IQSEC1: variants seen among roughly 807,000 people sequenced by gnomAD.
IQSEC1 encodes IQ motif and SEC7 domain-containing protein 1.
A neutral mutation model predicts 91.0 loss-of-function variants in IQSEC1; 31 were observed. That is an observed-to-expected ratio of 0.34 (90% CI 0.26 to 0.46). The LOEUF (loss-of-function observed/expected upper bound fraction) is 0.46. Among genes scored for constraint, IQSEC1 ranks in the 20% least tolerant of loss-of-function variants. The pLI is 1.00. For synonymous variants in IQSEC1, 699 were observed against 662.6 expected, an observed-to-expected ratio of 1.05 and a Z score of -0.84; for missense variants, 1,388 against 1,575.6, an observed-to-expected ratio of 0.88 and a Z score of 2.02.
chr3:13,238,199 C>T (rs562711145), intron 1 of IQSEC1, among the ~76,000 whole-genome samples: 5 of 152,340 alleles, frequency 3.3e-5, no homozygotes, highest in Admixed American at 6.5e-5. Context: ...CGGCGGTCAC[C>T]GCCCTCCACC....
chr3:13,038,260 GTGTATATATATATATATATATA>G (rs1370982958), intron 1 of IQSEC1, among the ~76,000 whole-genome samples: 3 of 62,376 alleles, frequency 4.8e-5, no homozygotes, highest in South Asian at 6.7e-4. Flanking sequence ...GTGTGTGTGT[GTGTATATATATATATATATATA>G]TATATATATA....
intron 1 of IQSEC1, among the ~76,000 whole-genome samples, chr3:13,267,925 C>G (rs1695525391): frequency 6.6e-6 from 1 of 152,148 alleles, no homozygotes; most frequent in Non-Finnish European, 1.5e-5. Flanking sequence ...CCAGAGTCAG[C>G]AAATTTCTTA....
At chr3:13,120,947 T>C (rs1408951144) in intron 2 of IQSEC1, among the ~76,000 whole-genome samples, 2 of 152,232 alleles carry the variant, frequency 1.3e-5, no homozygotes, top group African/African-American at 4.8e-5. Context: ...CCAGATTCAA[T>C]GGCGTTTACA....
At chr3:13,263,322 A>G (rs2125132455) in intron 1 of IQSEC1, among the ~76,000 whole-genome samples, 1 of 151,770 alleles carries the variant, frequency 6.6e-6, no homozygotes, top group Non-Finnish European at 1.5e-5. Context: ...ACACTTAAAA[A>G]TGGTGAAAAG....
intron 2 of IQSEC1, among the ~76,000 whole-genome samples, chr3:13,136,058 G>C (rs1037856768): frequency 2.6e-5 from 4 of 152,222 alleles, no homozygotes; most frequent in Non-Finnish European, 5.9e-5. Flanking sequence ...CTGGCCATGG[G>C]AGGCCCCACA....
chr3:12,914,987 G>A, intron 8 of IQSEC1, 117 bp downstream of exon 8: 2 of 992,340 alleles, frequency 2.0e-6, no homozygotes, highest in Non-Finnish European at 3.1e-6. Context: ...CCCCAGCAAT[G>A]AACTCAAGCA....
intron 1 of IQSEC1, among the ~76,000 whole-genome samples, chr3:13,216,529 G>A (rs1694554360): frequency 6.6e-6 from 1 of 152,282 alleles, no homozygotes; most frequent in African/African-American, 2.4e-5. Flanking sequence ...AGAGGGAGCA[G>A]TCACCTGAAC....
Position 12,967,805 on chromosome 3 carries a change from G to A in IQSEC1, c.24-25940C>T. 1 of 511,506 alleles carries A rather than the reference G, an allele frequency of 2.0e-6. No individual in the cohort carries two copies. The highest frequency in any genetic ancestry group is 2.5e-6 in the Non-Finnish European group (1 of 394,420). The allele number at this position is 511,506 out of a possible 1,614,324, so 31.7% of individuals were successfully genotyped here. A position where few individuals can be genotyped will look rare whatever the true frequency, so the allele number is the denominator to read the frequency against. Reference sequence around the variant, plus strand: ...CGGAGGGCGAGCTGGGGGCGGGGCTGCGCGCGGGGGCGAGACTGCACGGAG... The same window carrying A: ...CGGAGGGCGAGCTGGGGGCGGGGCTACGCGCGGGGGCGAGACTGCACGGAG... On this transcript the variant is annotated intron_variant, in intron 1 of 13. Coordinates refer to ENST00000613206, the MANE Select transcript of IQSEC1 (RefSeq NM_001134382.3). This position sits in a 1 kb window ranked among gnomAD's most constrained non-coding sequence, Gnocchi z 5.9.
At chr3:13,251,035 A>T (rs1695186046) in intron 1 of IQSEC1, among the ~76,000 whole-genome samples, 1 of 152,074 alleles carries the variant, frequency 6.6e-6, no homozygotes, top group Non-Finnish European at 1.5e-5. Context: ...TTGACTTCTG[A>T]GTCCTCACCT....
At chr3:13,051,777 T>A (rs991337703) in intron 1 of IQSEC1, among the ~76,000 whole-genome samples, 8 of 152,112 alleles carry the variant, frequency 5.3e-5, no homozygotes, top group African/African-American at 1.9e-4. Flanking sequence ...CTGCCTCAGT[T>A]TCCCTCTGCT....
At chr3:13,010,133 A>G (rs1702813867) in intron 1 of IQSEC1, among the ~76,000 whole-genome samples, 1 of 152,210 alleles carries the variant, frequency 6.6e-6, no homozygotes, top group Non-Finnish European at 1.5e-5. Flanking sequence ...AGCAGAACAC[A>G]TGGCTCAGCT....
At chr3:13,105,557 G>C (rs930528945) in intron 2 of IQSEC1, among the ~76,000 whole-genome samples, 15 of 152,078 alleles carry the variant, frequency 9.9e-5, no homozygotes, top group Non-Finnish European at 2.1e-4. Context: ...ATATTACCCA[G>C]TTAACAAAAT....
Position 13,019,620 on chromosome 3 carries a change from G to C in IQSEC1, c.23+53372C>G, listed in dbSNP as rs1703309308. Among the ~76,000 whole-genome samples, 2 of 152,204 alleles carry C rather than the reference G, an allele frequency of 1.3e-5. 1 individual carries two copies. The highest frequency in any genetic ancestry group is 4.1e-4 in the South Asian group (2 of 4,838). ...TTTCAGGGGCTCTCAACAGAATGGG[G>C]TAGGGGTCGGGAGGGCAGAGTGCTT... On this transcript the variant is annotated intron_variant, in intron 1 of 13. Transcript: ENST00000613206.
chr3:13,278,674 C>A (rs929073259), intron 1 of IQSEC1, among the ~76,000 whole-genome samples: 1 of 152,174 alleles, frequency 6.6e-6, no homozygotes, highest in Admixed American at 6.5e-5. Context: ...CAAAAATTAG[C>A]CAGGCGTGGT....
At position 13,211,470 on chromosome 3, in the gene IQSEC1, A is replaced by C. The variant is rs77016918; in HGVS notation, c.273-47337T>G. Among the ~76,000 whole-genome samples, 2,494 of 149,972 alleles carry C rather than the reference A, an allele frequency of 0.017. 98 individuals carry two copies. Among genetic ancestry groups the C allele is most frequent in the East Asian group, 0.11 (562 of 5,070 alleles). ...AGGTCACCTTACAAACAAAGACCCC[A>C]ACTCAGGGTCTCGGCTCTTCAGGCA... is the stretch of plus-strand genomic sequence containing the variant. On this transcript the variant is annotated intron_variant, in intron 1 of 15. Coordinates refer to the IQSEC1 transcript ENST00000648114. The surrounding 1 kb of genome is among the most constrained non-coding windows in gnomAD (Gnocchi z 5.3).
At chr3:13,200,433 C>G (rs1694223273) in intron 1 of IQSEC1, among the ~76,000 whole-genome samples, 1 of 152,232 alleles carries the variant, frequency 6.6e-6, no homozygotes, top group African/African-American at 2.4e-5. Flanking sequence ...TCTCTTTCTG[C>G]TTCCTCAGAC....
At chr3:12,958,284 A>T (rs1700041166) in intron 1 of IQSEC1, among the ~76,000 whole-genome samples, 1 of 152,220 alleles carries the variant, frequency 6.6e-6, no homozygotes, top group Non-Finnish European at 1.5e-5. Context: ...GGCTGGGGGT[A>T]GGAAACACTA....
intron 1 of IQSEC1, among the ~76,000 whole-genome samples, chr3:13,175,499 G>A (rs1254085595): frequency 6.6e-6 from 1 of 152,160 alleles, no homozygotes. Context: ...GAAGCACGCT[G>A]AGTCCCTCAA....
intron 2 of IQSEC1, among the ~76,000 whole-genome samples, chr3:13,143,052 C>G (rs866621440): frequency 6.6e-6 from 1 of 152,216 alleles, no homozygotes; most frequent in Non-Finnish European, 1.5e-5. Flanking sequence ...TGCCCTCCAC[C>G]CCATCCCGTC....
Sources: allele counts gnomAD v4.1 joint callset (sites outside exome capture counted in the v4.1 genomes callset), GRCh38; gene constraint gnomAD v4.1.1; non-coding constraint Gnocchi (gnomAD v3.1); transcripts MANE v1.5; gene names NCBI Gene and HGNC (gene_info 2026-07-23, HGNC 2026-07-21).